CLUAP1: variants seen among roughly 807,000 people sequenced by gnomAD.
CLUAP1 encodes intraflagellar transport 38, also known as clusterin-associated protein 1.
In CLUAP1, 50 loss-of-function variants were observed where a neutral mutation model predicts 55.0. The ratio of observed to expected loss-of-function variants is 0.91; its 90% CI spans 0.72 to 1.15. The LOEUF is 1.15. Ranked by LOEUF, CLUAP1 falls within the 50% of genes most tolerant of loss-of-function variation. The pLI, the probability that CLUAP1 is intolerant of heterozygous loss-of-function variation, is 0.00. For missense variants in CLUAP1, 530 were observed against 507.6 expected (o/e 1.04, Z -0.42); for synonymous variants, 195 against 175.4 (o/e 1.11, Z -0.88).
intron 5 of CLUAP1, among the ~76,000 whole-genome samples, chr16:3,512,975 C>A (rs900900960): frequency 6.6e-6 from 1 of 152,152 alleles, no homozygotes; most frequent in African/African-American, 2.4e-5. Context: ...CCACCGCGCC[C>A]GGCACTGGTC....
intron 5 of CLUAP1, among the ~76,000 whole-genome samples, chr16:3,513,444 A>T (rs904148209): frequency 1.3e-5 from 2 of 151,754 alleles, no homozygotes; most frequent in Non-Finnish European, 2.9e-5. Flanking sequence ...TTTATTTTTT[A>T]TTTTTTTAAT....
intron 3 of CLUAP1, among the ~76,000 whole-genome samples, chr16:3,507,572 AAAATT>A (rs2037532255): frequency 6.6e-6 from 1 of 151,670 alleles, no homozygotes; most frequent in Admixed American, 6.6e-5. Context: ...AAAAAAAAAA[AAAATT>A]AAAAACATTA....
the CLUAP1 span, among the ~76,000 whole-genome samples, chr16:3,495,923 G>A: frequency 3.9e-5 from 6 of 152,166 alleles, no homozygotes. Context: ...GGCGGATCAT[G>A]AGGTCAGGAG....
At chr16:3,521,066 C>T (rs558181231) in intron 7 of CLUAP1, among the ~76,000 whole-genome samples, 1 of 151,980 alleles carries the variant, frequency 6.6e-6, no homozygotes, top group South Asian at 2.1e-4. Context: ...CTGGAGGCAG[C>T]GACAGCAACC....
At chr16:3,506,268 A>T (rs2151042709) in intron 2 of CLUAP1, 63 bp from the exon 3 acceptor site, 4 of 1,351,710 alleles carry the variant, frequency 3.0e-6, no homozygotes, top group Non-Finnish European at 4.2e-6. Context: ...AGTTGCCCAC[A>T]TTCTCTTTAG....
intron 9 of CLUAP1, among the ~76,000 whole-genome samples, chr16:3,527,707 C>T (rs1394367852): frequency 1.3e-5 from 2 of 152,120 alleles, no homozygotes; most frequent in African/African-American, 4.8e-5. Context: ...CTGTCCTGTA[C>T]ACCTGGCTCT....
intron 7 of CLUAP1, among the ~76,000 whole-genome samples, chr16:3,520,870 G>A (rs57052882): frequency 0.013 from 1,941 of 151,488 alleles, 48 homozygotes; most frequent in African/African-American, 0.045. Context: ...TCTCTTCCTC[G>A]TTCTGTGCCT....
At position 3,530,608 on chromosome 16, in the gene CLUAP1, A is replaced by C. The variant is rs533805081; in HGVS notation, c.969A>C (p.Glu323Asp). Residue 323 changes from glutamate to aspartate, a missense_variant, in exon 10 of 12, where the codon GAA (glutamate) becomes GAC (aspartate). Coordinates refer to ENST00000576634, the MANE Select transcript of CLUAP1 (RefSeq NM_015041.3). ...ACATAGACATCCAGGAGGACGATGA[A>C]TCCGACAGTGAGTTGGAAGAAAGGC... is the stretch of plus-strand genomic sequence containing the variant. ...DSDIDIQEDD[E>D]SDSELEERRL... 1.1e-4 allele frequency: 171 copies of C among 1,614,028 alleles called. 1 individual carries two copies. In the South Asian group the frequency reaches 1.7e-3, roughly 16 times the overall value.
intron 6 of CLUAP1, among the ~76,000 whole-genome samples, chr16:3,519,098 C>T (rs2037783957): frequency 6.6e-6 from 1 of 152,202 alleles, no homozygotes; most frequent in Non-Finnish European, 1.5e-5. Context: ...CAGCCAGCCA[C>T]CGGACAAGAC....
At chr16:3,535,018 T>A (rs1310058308) in intron 11 of CLUAP1, 2 of 152,640 alleles carry the variant, frequency 1.3e-5, no homozygotes, top group African/African-American at 4.8e-5. Context: ...CTGAGCTGCA[T>A]CTGCCCTGCA....
At chr16:3,534,469 C>G (rs2038192581) in intron 11 of CLUAP1, 1 of 152,630 alleles carries the variant, frequency 6.6e-6, no homozygotes, top group Non-Finnish European at 1.5e-5. Flanking sequence ...ACTCTGTTTT[C>G]TCTGAGTGTG....
At chr16:3,500,838 A>T, upstream of CLUAP1, 2 of 575,006 alleles carry the variant, frequency 3.5e-6, no homozygotes, top group South Asian at 4.2e-5. Context: ...GCCCTCATAG[A>T]CGCCGGTATC....
chr16:3,520,249 G>C (rs2037808518), intron 7 of CLUAP1, among the ~76,000 whole-genome samples: 1 of 151,996 alleles, frequency 6.6e-6, no homozygotes, highest in Non-Finnish European at 1.5e-5. Context: ...ATACACACCT[G>C]TAGTCCCAGC....
chr16:3,513,559 C>A (rs1214232806), intron 5 of CLUAP1, among the ~76,000 whole-genome samples: 1 of 152,098 alleles, frequency 6.6e-6, no homozygotes, highest in Non-Finnish European at 1.5e-5. Flanking sequence ...AGGTGATTCT[C>A]CTTCCTCAGC....
At chr16:3,498,771 A>G (rs369842234), upstream of CLUAP1, among the ~76,000 whole-genome samples, 11 of 152,204 alleles carry the variant, frequency 7.2e-5, no homozygotes, top group East Asian at 1.2e-3. Context: ...GAGGCAGGAG[A>G]ATGGCGTAAA....
Position 3,536,323 on chromosome 16 carries a change from A to G in CLUAP1, c.*52A>G. Reference sequence around the variant, plus strand: ...TTAAAACCCTCAGACTTGTAGGTAAATGGGAACTTAGAAGGTTAGGAAGGT... The same window carrying G: ...TTAAAACCCTCAGACTTGTAGGTAAGTGGGAACTTAGAAGGTTAGGAAGGT... On this transcript the variant is annotated 3_prime_UTR_variant, in exon 12 of 12. Transcript: ENST00000576634. 1 of 1,586,952 alleles carries G rather than the reference A, an allele frequency of 6.3e-7. No individual in the cohort carries two copies. The highest frequency in any genetic ancestry group is 8.6e-7 in the Non-Finnish European group (1 of 1,163,222).
chr16:3,514,600 TA>T, intron 5 of CLUAP1, among the ~76,000 whole-genome samples: 1 of 152,340 alleles, frequency 6.6e-6, no homozygotes, highest in South Asian at 2.1e-4. Flanking sequence ...GAGTGACTTA[TA>T]AATAACAGAT....
intron 11 of CLUAP1, chr16:3,533,357 GCTCAGGCCGGGCCATC>G (rs1159592477): frequency 1.7e-6 from 1 of 575,812 alleles, no homozygotes; most frequent in Admixed American, 3.0e-5. Flanking sequence ...GGCGGGGAAA[GCTCAGGCCGGGCCATC>G]CTCAGGCCCT....
At chr16:3,519,137 C>G (rs1384495465) in intron 6 of CLUAP1, among the ~76,000 whole-genome samples, 1 of 152,226 alleles carries the variant, frequency 6.6e-6, no homozygotes, top group Non-Finnish European at 1.5e-5. Context: ...CTACCAGTGA[C>G]TCTACCTGCT....
Sources: allele counts gnomAD v4.1 joint callset (sites outside exome capture counted in the v4.1 genomes callset), GRCh38; gene constraint gnomAD v4.1.1; transcripts MANE v1.5; gene names NCBI Gene and HGNC (gene_info 2026-07-23, HGNC 2026-07-21).